The following MYCBP2 variants were observed in gnomAD, a reference collection of about 807,000 sequenced individuals.
MYCBP2 encodes the protein E3 ubiquitin-protein ligase MYCBP2.
Under a neutral mutation model 525.3 loss-of-function variants are expected in MYCBP2, and 120 were observed. The observed-to-expected ratio is 0.23, with a 90% confidence interval of 0.20 to 0.27. MYCBP2 has a LOEUF of 0.27. MYCBP2 is among the 10% of genes least tolerant of loss of function. The pLI is 1.00. For missense variants in MYCBP2, 4,149 were observed against 5,657.1 expected (o/e 0.73, Z 8.55); for synonymous variants, 1,894 against 1,955.8 (o/e 0.97, Z 0.83).
rs374982453 is a variant in MYCBP2, at chr13:77,088,865, T to G, written c.10692A>C (p.Leu3564=). The G allele has an allele frequency of 1.4e-4, 227 of 1,612,756 alleles. No individual in the cohort carries two copies. The highest frequency in any genetic ancestry group is 1.7e-4 in the Non-Finnish European group (199 of 1,179,238). The change falls in exon 61 of 83, where the codon CTA becomes CTC. Residue 3564 remains leucine (L), a synonymous_variant. Transcript: ENST00000544440. ...CAAAAACTCGACAAGCAGATTTCCT[T>G]AGGGCCTGTTTCATTGCTATTTCAA... ...EGLEIAMKQA[L]RKSACRVFAM...
intron 4 of MYCBP2, among the ~76,000 whole-genome samples, chr13:77,277,914 T>C (rs2154350529): frequency 6.6e-6 from 1 of 152,318 alleles, no homozygotes; most frequent in African/African-American, 2.4e-5. Context: ...AGTTAAAAAT[T>C]ATGCTTCCAT....
chr13:77,076,824 T>A lies in MYCBP2; in HGVS notation c.11750A>T (p.Asp3917Val). Residue 3917 changes from aspartate to valine, a missense_variant, in exon 68 of 83, where the codon GAT becomes GTT. Physicochemically the swap from Asp to Val is radical, Grantham distance 152 (BLOSUM62 -3). Transcript: ENST00000544440. ...SQVFGKLISG[D>V]AEPTPEQEEK... ...CTCTTGTTCTGGTGTAGGTTCAGCA[T>A]CTCCAGAGATGAGCTTTCCAAATAC... 1 of 1,612,960 alleles carries A rather than the reference T, an allele frequency of 6.2e-7. No individual in the cohort carries two copies.
Position 77,205,553 on chromosome 13 carries a change from A to G in MYCBP2, c.3635T>C (p.Val1212Ala). The G allele has an allele frequency of 6.2e-7, 1 of 1,613,596 alleles. No homozygotes were observed. The highest frequency in any genetic ancestry group is 8.5e-7 in the Non-Finnish European group (1 of 1,179,822). Residue 1212 changes from valine (V) to alanine (A), a missense_variant, in exon 25 of 83, where the codon GTT (valine) becomes GCT (alanine). Around this residue, in one of 21 missense-constraint regions of MYCBP2, gnomAD observed 620 missense variants for 795.5 expected, o/e 0.78. Transcript: ENST00000544440. ...TTGAGTCTCTTCCTCTGTACTTGCA[A>G]CACCCATTTTTAAGTCCTGCATAGC... ...LAAMQDLKMG[V>A]ASTEEETQAV...
At chr13:77,083,495 G>A (rs1174833748) in intron 62 of MYCBP2, among the ~76,000 whole-genome samples, 1 of 152,058 alleles carries the variant, frequency 6.6e-6, no homozygotes, top group African/African-American at 2.4e-5. Context: ...TGTGTAGTGT[G>A]TGTGCATATA....
At chr13:77,129,681 C>T (rs976372774) in intron 52 of MYCBP2, 4 of 151,450 alleles carry the variant, frequency 2.6e-5, no homozygotes, top group Admixed American at 6.6e-5. Flanking sequence ...ATGTAGTTTA[C>T]GTGAACTTAT....
rs1566298609 is a variant in MYCBP2 at position 77,055,640 on chromosome 13, G to A, written c.13565C>T (p.Thr4522Ile). 3.1e-6 allele frequency: 5 copies of A among 1,613,970 alleles called. No individual in the cohort carries two copies. The highest frequency in any genetic ancestry group is 1.3e-5 in the African/African-American group (1 of 74,932). The change falls in exon 80 of 83, where the codon ACT becomes ATT. Residue 4522 changes from threonine to isoleucine, a missense_variant. Thr to Ile is a moderately conservative substitution (Grantham distance 89, BLOSUM62 -1). Around this residue, in one of 21 missense-constraint regions of MYCBP2, gnomAD observed 220 missense variants for 396.0 expected, o/e 0.56. Coordinates refer to ENST00000544440, the MANE Select transcript of MYCBP2 (RefSeq NM_015057.5). ...GTCATTATAAAACCTCACACCAGGA[G>A]TTGTGATAGCTTCACTCTTATGCAG... ...EGLHKSEAIT[T>I]PGVRFYNDPA...
chr13:77,252,240 C>A (rs1167060021), intron 14 of MYCBP2, among the ~76,000 whole-genome samples: 1 of 152,168 alleles, frequency 6.6e-6, no homozygotes, highest in Non-Finnish European at 1.5e-5. Context: ...ATAATTTAGG[C>A]TCTGTGGCCC....
intron 12 of MYCBP2, among the ~76,000 whole-genome samples, 159 bp downstream of exon 12, chr13:77,261,012 T>C (rs1257349214): frequency 6.6e-6 from 1 of 152,204 alleles, no homozygotes; most frequent in Non-Finnish European, 1.5e-5. Flanking sequence ...CCTCATTCAT[T>C]CAATATGTAT....
Position 77,062,682 on chromosome 13 carries a change from C to A in MYCBP2, c.12688G>T (p.Ala4230Ser), listed in dbSNP as rs1293184347. 2 of 1,613,894 alleles carry A rather than the reference C, an allele frequency of 1.2e-6. No homozygotes were observed. Among genetic ancestry groups the A allele is most frequent in the Non-Finnish European group, 1.7e-6 (2 of 1,179,924 alleles). The change falls in exon 74 of 83, where the codon GCA becomes TCA. Residue 4230 changes from alanine (A) to serine (S), a missense_variant. Physicochemically the swap from Ala to Ser is moderately conservative, Grantham distance 99. This residue lies in a region of MYCBP2 where 220 missense variants were observed against 396.0 expected (regional missense o/e 0.56). Coordinates refer to ENST00000544440, the MANE Select transcript of MYCBP2 (RefSeq NM_015057.5). ...TCCTGATCAAGAACACATAGGGATG[C>A]GAGAGCAAGCCAGAGCTGTTGAAAG... ...IATTRLWLAL[A>S]SLCVLDQDHV...
chr13:77,085,950 G>A (rs1016867969), intron 62 of MYCBP2, among the ~76,000 whole-genome samples: 6 of 152,092 alleles, frequency 3.9e-5, no homozygotes, highest in African/African-American at 1.4e-4. Flanking sequence ...CATTGTAACT[G>A]TAGACTGTCC....
At chr13:77,148,817 C>T (rs1331982517) in intron 47 of MYCBP2, among the ~76,000 whole-genome samples, 2 of 152,094 alleles carry the variant, frequency 1.3e-5, no homozygotes, top group Non-Finnish European at 2.9e-5. Flanking sequence ...TAAGATTCAT[C>T]ACTTCCATTT....
At chr13:77,111,494 G>A (rs2154145346) in intron 55 of MYCBP2, among the ~76,000 whole-genome samples, 1 of 148,350 alleles carries the variant, frequency 6.7e-6, no homozygotes, top group East Asian at 2.0e-4. Context: ...GCTGCTCACT[G>A]CAGCCTCAAA....
At chr13:77,162,121 T>G (rs1265105094) in intron 43 of MYCBP2, among the ~76,000 whole-genome samples, 166 bp from the exon 44 acceptor site, 1 of 152,206 alleles carries the variant, frequency 6.6e-6, no homozygotes. Context: ...CAGTTTAATA[T>G]ATAAGATACT....
chr13:77,146,970 A>C (rs2055688119), intron 47 of MYCBP2, among the ~76,000 whole-genome samples: 1 of 152,162 alleles, frequency 6.6e-6, no homozygotes, highest in Non-Finnish European at 1.5e-5. Context: ...TACAGTTTAT[A>C]ATAAGCGTCC....
chr13:77,242,952 T>G lies in MYCBP2; in HGVS notation c.2629+107A>C. The G allele has an allele frequency of 6.7e-6, 6 of 892,164 alleles. No individual in the cohort carries two copies. The East Asian group carries it at 1.5e-4, about 22-fold the overall frequency. The allele number at this position is 892,164 out of a possible 1,614,324, so 55.3% of individuals were successfully genotyped here. On this transcript the variant is annotated intron_variant, in intron 17 of 82. Coordinates refer to ENST00000544440, the MANE Select transcript of MYCBP2 (RefSeq NM_015057.5). ...TATCAGAATATTGCTAATTTTAATT[T>G]TGATGATTTCTTACCAAATTAGTTT...
intron 36 of MYCBP2, among the ~76,000 whole-genome samples, chr13:77,175,050 G>C (rs2059563774): frequency 1.4e-5 from 2 of 144,050 alleles, no homozygotes; most frequent in Admixed American, 7.2e-5. Flanking sequence ...CCTCTTCCTG[G>C]GCTCAAGCAA....
intron 26 of MYCBP2, 25 bp from the exon 27 acceptor site, chr13:77,194,269 T>C (rs2061548735): frequency 6.5e-7 from 1 of 1,530,010 alleles, no homozygotes; most frequent in Non-Finnish European, 9.1e-7. Flanking sequence ...AAGACAATCA[T>C]TTATATAAAT....
intron 4 of MYCBP2, among the ~76,000 whole-genome samples, chr13:77,275,961 G>C (rs1044454638): frequency 2.6e-5 from 4 of 152,170 alleles, no homozygotes; most frequent in African/African-American, 7.2e-5. Context: ...TCCAGCCTGG[G>C]CAACAGAGCG....
chr13:77,132,319 G>A (rs985928156), intron 52 of MYCBP2, among the ~76,000 whole-genome samples: 7 of 152,078 alleles, frequency 4.6e-5, no homozygotes, highest in African/African-American at 1.7e-4. Flanking sequence ...TGGATTTAAT[G>A]TTATTAGGTA....
Sources: gnomAD v4.1 joint callset for allele counts (sites outside exome capture counted in the v4.1 genomes callset) on GRCh38, gnomAD v4.1.1 for gene constraint, gnomAD v4.1.1 regional missense constraint, MANE v1.5 for transcripts, NCBI Gene and HGNC (gene_info 2026-07-23, HGNC 2026-07-21) for gene names.